The following MMP16 variants were observed in gnomAD, a reference collection of about 807,000 sequenced individuals.
The protein encoded by MMP16 is matrix metalloproteinase-16.
In MMP16, 12 loss-of-function variants were observed where a neutral mutation model predicts 67.8. The observed-to-expected ratio is 0.18, with a 90% CI of 0.11 to 0.29. The LOEUF is 0.29. Ranked by LOEUF, MMP16 falls within the 10% of genes least tolerant of loss-of-function variation. MMP16 has a pLI of 1.00. For missense variants in MMP16, 475 were observed against 765.7 expected, an observed-to-expected ratio of 0.62 and a Z score of 4.48; for synonymous variants, 249 against 255.9, an observed-to-expected ratio of 0.97 and a Z score of 0.26.
At chr8:88,161,131 C>G (rs1808613721) in intron 4 of MMP16, among the ~76,000 whole-genome samples, 1 of 152,132 alleles carries the variant, frequency 6.6e-6, no homozygotes, top group African/African-American at 2.4e-5. Context: ...GGTACCAGCT[C>G]CTCCTTGTAC....
intron 3 of MMP16, among the ~76,000 whole-genome samples, chr8:88,182,004 T>G (rs192720870): frequency 6.6e-6 from 1 of 152,186 alleles, no homozygotes; most frequent in African/African-American, 2.4e-5. Flanking sequence ...AAACATTTAT[T>G]CAAAAGAAAT....
chr8:88,271,503 T>TGTAC (rs1563579797), intron 1 of MMP16, among the ~76,000 whole-genome samples: 1 of 151,996 alleles, frequency 6.6e-6, no homozygotes, highest in African/African-American at 2.4e-5. Flanking sequence ...TATTTATTTA[T>TGTAC]TTATTTCTGA....
intron 3 of MMP16, among the ~76,000 whole-genome samples, chr8:88,175,609 T>C (rs1808874605): frequency 6.6e-6 from 1 of 152,192 alleles, no homozygotes; most frequent in Non-Finnish European, 1.5e-5. Flanking sequence ...AATTGGCATA[T>C]ATTAAATACT....
intron 1 of MMP16, among the ~76,000 whole-genome samples, chr8:88,209,316 C>A (rs964262338): frequency 6.6e-6 from 1 of 152,178 alleles, no homozygotes; most frequent in Middle Eastern, 3.4e-3. Context: ...GGACGAAGAC[C>A]TTTATGATGA....
intron 4 of MMP16, among the ~76,000 whole-genome samples, chr8:88,148,639 T>A (rs187582629): frequency 6.6e-6 from 1 of 152,330 alleles, no homozygotes; most frequent in East Asian, 1.9e-4. Flanking sequence ...TAGTTTTAGC[T>A]CACTGTTTTA....
intron 1 of MMP16, among the ~76,000 whole-genome samples, chr8:88,289,692 AC>A (rs1810890963): frequency 1.6e-3 from 1 of 642 alleles, no homozygotes; most frequent in Non-Finnish European, 0.017. Flanking sequence ...TAGAGGAAAC[AC>A]ACACACACAC....
chr8:88,121,670 T>C (rs1807833071), intron 4 of MMP16, among the ~76,000 whole-genome samples: 1 of 152,062 alleles, frequency 6.6e-6, no homozygotes, highest in African/African-American at 2.4e-5. Flanking sequence ...TCTTGGTTCT[T>C]AATACAGAAA....
At chr8:88,255,696 T>A (rs1188086500) in intron 1 of MMP16, among the ~76,000 whole-genome samples, 1 of 152,164 alleles carries the variant, frequency 6.6e-6, no homozygotes, top group Non-Finnish European at 1.5e-5. Flanking sequence ...AAAAACAGTA[T>A]GTTTTACTCT....
At chr8:88,077,442 A>G (rs566489306) in intron 6 of MMP16, among the ~76,000 whole-genome samples, 7 of 152,270 alleles carry the variant, frequency 4.6e-5, no homozygotes, top group Admixed American at 1.3e-4. Context: ...GCACTCACAC[A>G]GGTCTGCTGG....
chr8:88,046,847 T>A lies in MMP16; in HGVS notation c.1374-63A>T, dbSNP rs905149467. The A allele has an allele frequency of 5.9e-6, 6 of 1,020,350 alleles. No homozygotes were observed. The African/African-American group carries it at 9.7e-5, about 17-fold the overall frequency. The allele number at this position is 1,020,350 out of a possible 1,614,324, so 63.2% of individuals were successfully genotyped here. ...CACACATATAGGGAAAGATTATGCA[T>A]ACAAACAATAATAGCTGACATTTAT... is the stretch of plus-strand genomic sequence containing the variant. On this transcript the variant is annotated intron_variant, in intron 8 of 9. Transcript: ENST00000286614.
intron 1 of MMP16, among the ~76,000 whole-genome samples, chr8:88,321,666 A>G (rs779958373): frequency 5.3e-5 from 8 of 152,132 alleles, no homozygotes; most frequent in South Asian, 4.1e-4. Flanking sequence ...TACCTTTGTG[A>G]TTCAGTAGTT....
At chr8:88,292,431 G>C (rs1024358139) in intron 1 of MMP16, among the ~76,000 whole-genome samples, 4 of 152,172 alleles carry the variant, frequency 2.6e-5, no homozygotes, top group South Asian at 2.1e-4. Flanking sequence ...TGAACACCAG[G>C]TGAGGGGCCC....
intron 4 of MMP16, among the ~76,000 whole-genome samples, chr8:88,141,802 A>G (rs909210223): frequency 6.6e-6 from 1 of 152,186 alleles, no homozygotes; most frequent in African/African-American, 2.4e-5. Context: ...TCTGAAAAAC[A>G]ACATAACAAC....
intron 4 of MMP16, among the ~76,000 whole-genome samples, chr8:88,126,402 A>G (rs1304255317): frequency 6.6e-6 from 1 of 151,844 alleles, no homozygotes; most frequent in East Asian, 1.9e-4. Context: ...GTGATTATGG[A>G]ATTATTTTTG....
intron 1 of MMP16, among the ~76,000 whole-genome samples, chr8:88,250,298 C>G (rs7842943): frequency 0.55 from 83,185 of 151,936 alleles, 25,765 homozygotes; most frequent in East Asian, 0.86. Flanking sequence ...TACTTAAGAA[C>G]GGGTGGGCAC....
chr8:88,061,336 G>A (rs1808397984), intron 7 of MMP16, among the ~76,000 whole-genome samples: 1 of 151,988 alleles, frequency 6.6e-6, no homozygotes, highest in African/African-American at 2.4e-5. Context: ...TCTTCTGTTG[G>A]CCTATACCTC....
intron 7 of MMP16, among the ~76,000 whole-genome samples, chr8:88,061,722 GTTA>G (rs1400110981): frequency 6.6e-6 from 1 of 152,000 alleles, no homozygotes; most frequent in African/African-American, 2.4e-5. Flanking sequence ...ATAGGAAATT[GTTA>G]TTATTCTACT....
intron 1 of MMP16, among the ~76,000 whole-genome samples, chr8:88,229,699 G>GAA (rs34747273): frequency 2.7e-5 from 4 of 147,728 alleles, no homozygotes; most frequent in African/African-American, 5.0e-5. Context: ...GTGATTGTTA[G>GAA]AAAAAAAAAA....
At position 88,037,752 on chromosome 8, in the gene MMP16, A is replaced by G. The variant is rs1808073862; in HGVS notation, c.*3709T>C. 6.6e-6 allele frequency: 1 copy of G among 152,014 alleles called. No homozygotes were observed. The highest frequency in any genetic ancestry group is 6.6e-5 in the Admixed American group (1 of 15,220). 9.4% of individuals were successfully genotyped at this position (152,014 alleles called of 1,614,324 possible). On this transcript the variant is annotated 3_prime_UTR_variant, in exon 10 of 10. Coordinates refer to ENST00000286614, the MANE Select transcript of MMP16 (RefSeq NM_005941.5). ...AATACTTCATTGCATTTGTTTAATA[A>G]TACACAGAACAACAATATTTTACTA...
Sources: gnomAD v4.1 joint callset for allele counts (sites outside exome capture counted in the v4.1 genomes callset) on GRCh38, gnomAD v4.1.1 for gene constraint, MANE v1.5 for transcripts, NCBI Gene and HGNC (gene_info 2026-07-23, HGNC 2026-07-21) for gene names.